Variants in TMX2 observed in about 807,000 individuals in gnomAD.
TMX2 encodes the protein thioredoxin related transmembrane protein 2, also known as thioredoxin-related transmembrane protein 2.
In TMX2, 20 loss-of-function variants were observed where a neutral mutation model predicts 33.4. That is an observed-to-expected ratio of 0.60 (90% CI 0.42 to 0.87). The LOEUF is 0.87. TMX2 is among the 40% of genes least tolerant of loss of function. The pLI is 0.00. For synonymous variants in TMX2, 166 were observed against 140.7 expected (o/e 1.18, Z -1.27); for missense variants, 340 against 370.7 (o/e 0.92, Z 0.68).
Position 57,740,323 on chromosome 11 carries a change from T to C in TMX2, c.*78T>C. 6.9e-7 allele frequency: 1 copy of C among 1,458,790 alleles called. No homozygotes were observed. Among genetic ancestry groups the C allele is most frequent in the Non-Finnish European group, 9.1e-7 (1 of 1,102,050 alleles). 90.4% of individuals were successfully genotyped at this position (1,458,790 alleles called of 1,614,324 possible). A position where few individuals can be genotyped will look rare whatever the true frequency, so the allele number is the denominator to read the frequency against. On this transcript the variant is annotated 3_prime_UTR_variant, in exon 8 of 8. Transcript: ENST00000278422. ...AACCACAAGCCTGAGGCTGCAGCCTTTTATTTATGTTTTCCCTTTGGCTGT... is the reference window on the plus strand; with the variant it reads ...AACCACAAGCCTGAGGCTGCAGCCTCTTATTTATGTTTTCCCTTTGGCTGT...
At chr11:57,714,976 AT>A (rs1946881029) in intron 1 of TMX2, among the ~76,000 whole-genome samples, 1 of 152,168 alleles carries the variant, frequency 6.6e-6, no homozygotes, top group South Asian at 2.1e-4. Flanking sequence ...GAGGTTAGCA[AT>A]TTTATGAGTC....
In TMX2 at chr11:57,720,134, CAAAA is replaced by C. The variant is rs59914635; in HGVS notation, c.189+7343_189+7346del. Among the ~76,000 whole-genome samples, 174 of 128,094 alleles carry C rather than the reference CAAAA, an allele frequency of 1.4e-3. 1 individual carries two copies. Among genetic ancestry groups the C allele is most frequent in the East Asian group, 4.7e-3 (22 of 4,708 alleles). The allele number at this position is 128,094 out of a possible 152,430, so 84.0% of individuals were successfully genotyped here. On this transcript the variant is annotated intron_variant, in intron 1 of 7. Coordinates refer to ENST00000278422, the MANE Select transcript of TMX2 (RefSeq NM_015959.4). ...TGAAACCCCATCTCTACTAAAAATA[CAAAA>C]AAAAAAAAAAAAAAAGGTGCCACTG... is the stretch of plus-strand genomic sequence containing the variant.
In TMX2 at chr11:57,737,988, A is replaced by G. The variant is rs750470937; in HGVS notation, c.326A>G (p.Asp109Gly). ...VANTILFFRL[D>G]IRMGLLYITL... Reference sequence around the variant, plus strand: ...AACACAATTCTTTTCTTCCGCTTGGATATTCGCATGGGCCTACTTTACATC... The same window carrying G: ...AACACAATTCTTTTCTTCCGCTTGGGTATTCGCATGGGCCTACTTTACATC... Residue 109 changes from aspartate to glycine, a missense_variant, in exon 3 of 8, where the codon GAT becomes GGT. This residue lies in a region of TMX2 where 209 missense variants were observed against 241.6 expected (regional missense o/e 0.87). Transcript: ENST00000278422. The G allele has an allele frequency of 3.7e-6, 6 of 1,613,852 alleles. No homozygotes were observed. Among genetic ancestry groups the G allele is most frequent in the Admixed American group, 1.7e-5 (1 of 59,998 alleles).
At chr11:57,725,038 CAAAA>C (rs1315544225) in intron 1 of TMX2, among the ~76,000 whole-genome samples, 4 of 61,520 alleles carry the variant, frequency 6.5e-5, no homozygotes, top group African/African-American at 1.5e-4. Flanking sequence ...GACTGTGTCT[CAAAA>C]AAAAAAAAAA....
Position 57,740,399 on chromosome 11 carries a change from A to C in TMX2, c.*154A>C. 1.1e-6 allele frequency: 1 copy of C among 924,764 alleles called. No homozygotes were observed. Among genetic ancestry groups the C allele is most frequent in the Non-Finnish European group, 1.5e-6 (1 of 646,624 alleles). 57.3% of individuals were successfully genotyped at this position (924,764 alleles called of 1,614,324 possible). A position where few individuals can be genotyped will look rare whatever the true frequency, so the allele number is the denominator to read the frequency against. On this transcript the variant is annotated 3_prime_UTR_variant, in exon 8 of 8. Transcript: ENST00000278422. ...CTGATTTTAAAGAGGCATCTAGGGA[A>C]TTGTCAGGCACCCTACAGGAAGGCC...
chr11:57,714,689 G>A (rs1946864939), intron 1 of TMX2, among the ~76,000 whole-genome samples: 1 of 152,072 alleles, frequency 6.6e-6, no homozygotes, highest in Admixed American at 6.6e-5. Flanking sequence ...AACCTCCTGG[G>A]CAAAGCCATC....
chr11:57,738,748 A>G lies in TMX2; in HGVS notation c.526A>G (p.Ile176Val), dbSNP rs372453729. 1 of 1,613,984 alleles carries G rather than the reference A, an allele frequency of 6.2e-7. No homozygotes were observed. The highest frequency in any genetic ancestry group is 8.5e-7 in the Non-Finnish European group (1 of 1,179,872). Residue 176 changes from isoleucine to valine, a missense_variant, in exon 5 of 8, where the codon ATC becomes GTC. Transcript: ENST00000278422. Reference protein sequence around the residue: ...WSNDCQSFAPIYADLSLKYNC... With the variant: ...WSNDCQSFAPVYADLSLKYNC... ...TAATGACTGCCAATCATTTGCCCCT[A>G]TCTATGCTGACCTCTCCCTTAAGTG...
At chr11:57,717,045 C>T (rs1195495877) in intron 1 of TMX2, among the ~76,000 whole-genome samples, 1 of 148,318 alleles carries the variant, frequency 6.7e-6, no homozygotes, top group Non-Finnish European at 1.5e-5. Flanking sequence ...CGGGCAGAGG[C>T]GCTCCTCACA....
intron 1 of TMX2, among the ~76,000 whole-genome samples, chr11:57,727,647 A>G (rs1286159800): frequency 6.6e-6 from 1 of 152,190 alleles, no homozygotes; most frequent in Admixed American, 6.5e-5. Flanking sequence ...TTTCCTTCCC[A>G]TACCTTGAAA....
chr11:57,733,247 ATTTTTTTTT>A (rs71061537), intron 1 of TMX2, among the ~76,000 whole-genome samples: 1 of 74,866 alleles, frequency 1.3e-5, no homozygotes, highest in Non-Finnish European at 2.4e-5. Context: ...ACAGTGAGGA[ATTTTTTTTT>A]TTTTTTTTTT....
At position 57,715,867 on chromosome 11, in the gene TMX2, C is replaced by T. The variant is rs202049772; in HGVS notation, c.189+3060C>T. Among the ~76,000 whole-genome samples the T allele has an allele frequency of 4.6e-5, 7 of 151,676 alleles. No homozygotes were observed. The East Asian group carries it at 9.7e-4, about 21-fold the overall frequency. ...TAATCCATTTAACCCTGAGTGGACA[C>T]AGCACATGTTTCAGAGAGCACAGGG... On this transcript the variant is annotated intron_variant, in intron 1 of 7. Coordinates refer to ENST00000278422, the MANE Select transcript of TMX2 (RefSeq NM_015959.4).
intron 1 of TMX2, among the ~76,000 whole-genome samples, chr11:57,729,527 C>T (rs1376466816): frequency 6.7e-6 from 1 of 150,128 alleles, no homozygotes; most frequent in East Asian, 1.9e-4. Context: ...GCAATTGAAA[C>T]CCTTTTAATT....
At chr11:57,738,104 C>T (rs1478696721) in intron 3 of TMX2, 78 bp downstream of exon 3, 7 of 1,147,706 alleles carry the variant, frequency 6.1e-6, no homozygotes, top group Non-Finnish European at 7.5e-6. Flanking sequence ...ACCACAGTCC[C>T]AACAGTTGCA....
At chr11:57,717,717 G>GAGGGAGAAGGGAGA (rs763767041) in intron 1 of TMX2, among the ~76,000 whole-genome samples, 1 of 54,584 alleles carries the variant, frequency 1.8e-5, no homozygotes, top group Non-Finnish European at 3.1e-5. Flanking sequence ...GGGAGACCGA[G>GAGGGAGAAGGGAGA]AGGGAGAGGG....
chr11:57,717,984 G>T (rs1201623808), intron 1 of TMX2: 5 of 771,316 alleles, frequency 6.5e-6, no homozygotes, highest in Middle Eastern at 3.5e-4. Context: ...GTGCTCTCCT[G>T]AGAGGAGAGC....
chr11:57,716,739 G>A (rs1405512805), intron 1 of TMX2, among the ~76,000 whole-genome samples: 2 of 148,298 alleles, frequency 1.3e-5, no homozygotes, highest in Non-Finnish European at 3.0e-5. Flanking sequence ...CCTCCCGGAC[G>A]GGGTGGCTGG....
chr11:57,714,602 A>T (rs1224065951), intron 1 of TMX2, among the ~76,000 whole-genome samples: 1 of 150,140 alleles, frequency 6.7e-6, no homozygotes, highest in Non-Finnish European at 1.5e-5. Context: ...AGTTTTTTGG[A>T]TTTTTTTTTG....
intron 1 of TMX2, among the ~76,000 whole-genome samples, chr11:57,723,515 A>G (rs1039396504): frequency 4.1e-5 from 6 of 145,444 alleles, no homozygotes; most frequent in African/African-American, 1.5e-4. Context: ...AAAAAAAAAA[A>G]GAAAGAAAGA....
At chr11:57,727,713 C>T (rs1219394306) in intron 1 of TMX2, among the ~76,000 whole-genome samples, 2 of 152,196 alleles carry the variant, frequency 1.3e-5, no homozygotes, top group Admixed American at 6.5e-5. Context: ...AATCCCCTCT[C>T]CCCTTTGTTT....
Sources: gnomAD v4.1 joint callset for allele counts (sites outside exome capture counted in the v4.1 genomes callset) on GRCh38, gnomAD v4.1.1 for gene constraint, gnomAD v4.1.1 regional missense constraint, MANE v1.5 for transcripts, NCBI Gene and HGNC (gene_info 2026-07-23, HGNC 2026-07-21) for gene names.